Variants in ASB13 observed in about 807,000 individuals in gnomAD.
ASB13 encodes the protein ankyrin repeat and SOCS box containing 13.
A neutral mutation model predicts 28.8 loss-of-function variants in ASB13; 33 were observed. The observed-to-expected ratio is 1.15, with a 90% CI of 0.87 to 1.53. The LOEUF (loss-of-function observed/expected upper bound fraction) is 1.53, where lower values mean the gene tolerates loss of function less well. ASB13 is among the 40% of genes most tolerant of loss of function. The probability of loss-of-function intolerance (pLI) is 0.00; values close to 1 mark genes in which losing one functional copy is unlikely to be tolerated. For synonymous variants in ASB13, 182 were observed against 172.9 expected (o/e 1.05, Z -0.41); for missense variants, 414 against 390.1 (o/e 1.06, Z -0.52).
chr10:5,640,950 G>T, intron 5 of ASB13, 120 bp from the exon 6 acceptor site: 1 of 1,315,622 alleles, frequency 7.6e-7, no homozygotes, highest in Non-Finnish European at 1.0e-6. Context: ...ACCGGGATGT[G>T]TCCTGTAGGC....
In ASB13 at chr10:5,640,175, A is replaced by T. The variant is rs1834783095; in HGVS notation, c.*528T>A. Reference sequence around the variant, plus strand: ...AAAGCATCCACACAGCAGCCAGCAGAGCAGCAGTCCCAGGCCACATCCCAG... The same window carrying T: ...AAAGCATCCACACAGCAGCCAGCAGTGCAGCAGTCCCAGGCCACATCCCAG... On this transcript the variant is annotated 3_prime_UTR_variant, in exon 6 of 6. Transcript: ENST00000357700. The T allele has an allele frequency of 6.5e-6, 1 of 154,272 alleles. No individual in the cohort carries two copies. Among genetic ancestry groups the T allele is most frequent in the Non-Finnish European group, 1.4e-5 (1 of 69,196 alleles). The allele number at this position is 154,272 out of a possible 1,614,324, so 9.6% of individuals were successfully genotyped here. A position where few individuals can be genotyped will look rare whatever the true frequency, so the allele number is the denominator to read the frequency against.
Position 5,662,786 on chromosome 10 carries a change from A to C in ASB13, c.43+3723T>G, listed in dbSNP as rs538974243. On this transcript the variant is annotated intron_variant, in intron 1 of 5. Coordinates refer to ENST00000357700, the MANE Select transcript of ASB13 (RefSeq NM_024701.4). Reference sequence around the variant, plus strand: ...AGACAAAGAGACCACAGAGGAAAAGATAAATGAAGGATCTCATGGTGACAA... The same window carrying C: ...AGACAAAGAGACCACAGAGGAAAAGCTAAATGAAGGATCTCATGGTGACAA... Among the ~76,000 whole-genome samples, 19 of 152,314 alleles carry C rather than the reference A, an allele frequency of 1.2e-4. 1 individual carries two copies. The South Asian group carries it at 3.9e-3, about 32-fold the overall frequency.
chr10:5,640,894 G>A (rs554265962), intron 5 of ASB13, 64 bp from the exon 6 acceptor site: 11 of 1,579,634 alleles, frequency 7.0e-6, no homozygotes, highest in Admixed American at 3.4e-5. Flanking sequence ...ACCTGCAATG[G>A]AACACAAACT....
At position 5,645,257 on chromosome 10, in the gene ASB13, T is replaced by TA. The variant is rs1834865338; in HGVS notation, c.518-3297dup. Among the ~76,000 whole-genome samples the TA allele has an allele frequency of 6.6e-6, 1 of 151,766 alleles. No homozygotes were observed. The highest frequency in any genetic ancestry group is 2.4e-5 in the African/African-American group (1 of 41,328). On this transcript the variant is annotated intron_variant, in intron 4 of 5. Transcript: ENST00000357700. The surrounding 1 kb of genome is among the most constrained non-coding windows in gnomAD (Gnocchi z 5.4). ...AGAAATTGAAAAAAAAAATTAAATTTAAAAAATTATAATTAAAAAATTTTT... is the reference window on the plus strand; with the variant it reads ...AGAAATTGAAAAAAAAAATTAAATTTAAAAAAATTATAATTAAAAAATTTTT...
chr10:5,666,540 C>A lies in ASB13; in HGVS notation c.12G>T (p.Arg4=). 8.0e-7 allele frequency: 1 copy of A among 1,242,714 alleles called. No homozygotes were observed. Among genetic ancestry groups the A allele is most frequent in the South Asian group, 2.7e-5 (1 of 36,792 alleles). 77.0% of individuals were successfully genotyped at this position (1,242,714 alleles called of 1,614,324 possible). A position where few individuals can be genotyped will look rare whatever the true frequency, so the allele number is the denominator to read the frequency against. Reference sequence around the variant, plus strand: ...CGCCCAGGAAGCAGCCGTCCGCCGCCCGGGGCTCCATGCGGCTCACCGGCG... The same window carrying A: ...CGCCCAGGAAGCAGCCGTCCGCCGCACGGGGCTCCATGCGGCTCACCGGCG... MEP[R]AADGCFLGDV... The change falls in exon 1 of 6, where the codon CGG becomes CGT. Residue 4 remains arginine, a synonymous_variant. Coordinates refer to ENST00000357700, the MANE Select transcript of ASB13 (RefSeq NM_024701.4).
At position 5,641,068 on chromosome 10, in the gene ASB13, G is replaced by T. The variant is rs1300309463; in HGVS notation, c.710-238C>A. Reference sequence around the variant, plus strand: ...TTTGTGGGCTTTGGGAGTTTGTTTGGTTTTGAGGTTTTTTGTTTTTTGTTT... The same window carrying T: ...TTTGTGGGCTTTGGGAGTTTGTTTGTTTTTGAGGTTTTTTGTTTTTTGTTT... On this transcript the variant is annotated intron_variant, in intron 5 of 5. Coordinates refer to ENST00000357700, the MANE Select transcript of ASB13 (RefSeq NM_024701.4). This position sits in a 1 kb window ranked among gnomAD's most constrained non-coding sequence, Gnocchi z 8.4. Among the ~76,000 whole-genome samples, 2 of 151,874 alleles carry T rather than the reference G, an allele frequency of 1.3e-5. No homozygotes were observed. Among genetic ancestry groups the T allele is most frequent in the African/African-American group, 4.8e-5 (2 of 41,352 alleles).
rs118149182 is a variant in ASB13 at position 5,649,521 on chromosome 10, C to T, written c.383-417G>A. Among the ~76,000 whole-genome samples, 1,973 of 151,452 alleles carry T rather than the reference C, an allele frequency of 0.013. 30 individuals carry two copies. Among genetic ancestry groups the T allele is most frequent in the South Asian group, 0.072 (342 of 4,754 alleles). On this transcript the variant is annotated intron_variant, in intron 3 of 5. Coordinates refer to ENST00000357700, the MANE Select transcript of ASB13 (RefSeq NM_024701.4). The surrounding 1 kb of genome is among the most constrained non-coding windows in gnomAD (Gnocchi z 6.4). Reference sequence around the variant, plus strand: ...TCCTCCTGTGCACCACGGCAGCCGCCTCTCCTGCCTCTTTTTTTTTTTTAG... The same window carrying T: ...TCCTCCTGTGCACCACGGCAGCCGCTTCTCCTGCCTCTTTTTTTTTTTTAG...
chr10:5,650,492 C>T lies in ASB13; in HGVS notation c.382+721G>A, dbSNP rs1391198159. Among the ~76,000 whole-genome samples, 1 of 152,224 alleles carries T rather than the reference C, an allele frequency of 6.6e-6. No homozygotes were observed. Among genetic ancestry groups the T allele is most frequent in the Non-Finnish European group, 1.5e-5 (1 of 68,038 alleles). Reference sequence around the variant, plus strand: ...GGAAGGGCACATACCCCATACCCTGCACCCCAGATGTGCATCCAAAGACAA... The same window carrying T: ...GGAAGGGCACATACCCCATACCCTGTACCCCAGATGTGCATCCAAAGACAA... On this transcript the variant is annotated intron_variant, in intron 3 of 5. Transcript: ENST00000357700. This position sits in a 1 kb window ranked among gnomAD's most constrained non-coding sequence, Gnocchi z 6.0.
rs1206887798 is a variant in ASB13, at chr10:5,666,271, G to A, written c.43+238C>T. 3.9e-5 allele frequency among the ~76,000 whole-genome samples: 6 copies of A among 152,224 alleles called. No homozygotes were observed. In the East Asian group the frequency reaches 1.2e-3, roughly 30 times the overall value. ...AAACCCCACACCTGGCGAGCCGCAC[G>A]GACTGCAACCCCGCAGTGCGCTGGC... On this transcript the variant is annotated intron_variant, in intron 1 of 5. Transcript: ENST00000357700.
Position 5,645,400 on chromosome 10 carries a change from T to C in ASB13, c.518-3439A>G, listed in dbSNP as rs1231233376. ...CCGCTTCCGAACACTCCTGGCAGAG[T>C]TCAACATTCACTGTCAGTGATCAGA... On this transcript the variant is annotated intron_variant, in intron 4 of 5. Coordinates refer to ENST00000357700, the MANE Select transcript of ASB13 (RefSeq NM_024701.4). The surrounding 1 kb of genome is among the most constrained non-coding windows in gnomAD (Gnocchi z 5.4). Among the ~76,000 whole-genome samples the C allele has an allele frequency of 6.6e-6, 1 of 151,780 alleles. No individual in the cohort carries two copies. Among genetic ancestry groups the C allele is most frequent in the Non-Finnish European group, 1.5e-5 (1 of 67,964 alleles).
rs1255123927 is a variant in ASB13, at chr10:5,652,977, G to A, written c.117C>T (p.Ile39=). The change falls in exon 2 of 6, where the codon ATC becomes ATT. Residue 39 remains isoleucine (I), a synonymous_variant. Coordinates refer to ENST00000357700, the MANE Select transcript of ASB13 (RefSeq NM_024701.4). This position sits in a 1 kb window ranked among gnomAD's most constrained non-coding sequence, Gnocchi z 5.0. ...RGESLQLQQL[I]ESGACVNQVT... is the part of the protein sequence containing the mutation. ...CCTGGTTCACGCAGGCGCCGCTCTC[G>A]ATCAGCTGTTGCAGCTGCAGGCTCT... The A allele has an allele frequency of 6.4e-6, 10 of 1,559,752 alleles. No individual in the cohort carries two copies. The highest frequency in any genetic ancestry group is 4.7e-5 in the South Asian group (4 of 84,582).
rs1045679262 is a variant in ASB13, at chr10:5,661,143, C to A, written c.43+5366G>T. Among the ~76,000 whole-genome samples, 1 of 152,204 alleles carries A rather than the reference C, an allele frequency of 6.6e-6. No individual in the cohort carries two copies. The highest frequency in any genetic ancestry group is 2.4e-5 in the African/African-American group (1 of 41,460). ...CAAGTGGCAGCTCTGTGCCCAGGCCCGGCCACCCCCTAGAGAGCCTGTGTC... is the reference window on the plus strand; with the variant it reads ...CAAGTGGCAGCTCTGTGCCCAGGCCAGGCCACCCCCTAGAGAGCCTGTGTC... On this transcript the variant is annotated intron_variant, in intron 1 of 5. Coordinates refer to ENST00000357700, the MANE Select transcript of ASB13 (RefSeq NM_024701.4). This position sits in a 1 kb window ranked among gnomAD's most constrained non-coding sequence, Gnocchi z 4.9.
intron 1 of ASB13, 69 bp downstream of exon 1, chr10:5,666,440 C>T (rs1418363232): frequency 8.1e-7 from 1 of 1,227,900 alleles, no homozygotes; most frequent in Non-Finnish European, 1.0e-6. Context: ...CGCAGGCCAT[C>T]GGATACGCGG....
rs1834810238 is a variant in ASB13, at chr10:5,641,772, T to C, written c.707A>G (p.Glu236Gly). 2 of 1,583,164 alleles carry C rather than the reference T, an allele frequency of 1.3e-6. No individual in the cohort carries two copies. The highest frequency in any genetic ancestry group is 1.7e-6 in the Non-Finnish European group (2 of 1,162,600). ...GTGCGCTCGGTGGGGTGTCTCACTT[T>C]CGTAGTACTCGAAGCACTTGGCGGG... ...SAPAKCFEYYEKTPLTLSQLC... is the reference protein window; with the variant it reads ...SAPAKCFEYYGKTPLTLSQLC... The change falls in exon 5 of 6, where the codon GAA becomes GGA. Residue 236 changes from glutamate (E) to glycine (G), a missense_variant and splice_region_variant. Physicochemically the swap from Glu to Gly is moderately conservative, Grantham distance 98. Coordinates refer to ENST00000357700, the MANE Select transcript of ASB13 (RefSeq NM_024701.4). The surrounding 1 kb of genome is among the most constrained non-coding windows in gnomAD (Gnocchi z 8.4).
chr10:5,654,430 G>C (rs1405746928), intron 1 of ASB13, among the ~76,000 whole-genome samples: 1 of 152,206 alleles, frequency 6.6e-6, no homozygotes, highest in Non-Finnish European at 1.5e-5. Context: ...TGGAGGACGA[G>C]TCAAGGACCA....
Position 5,640,733 on chromosome 10 carries a change from G to A in ASB13, c.807C>T (p.Pro269=), listed in dbSNP as rs757929289. 3.1e-6 allele frequency: 5 copies of A among 1,614,050 alleles called. No individual in the cohort carries two copies. The highest frequency in any genetic ancestry group is 1.3e-5 in the African/African-American group (1 of 74,914). Residue 269 remains proline, a synonymous_variant, in exon 6 of 6, where the codon CCC becomes CCT. Transcript: ENST00000357700. ...TGTAGGAGAGGTAATCAATGAGCCG[G>A]GGCGGGATGTTTAACTTGGCAATCT... The part of the protein sequence containing the change: ...LEKIAKLNIP[P]RLIDYLSYN
At position 5,656,674 on chromosome 10, in the gene ASB13, T is replaced by C. The variant is rs759685987; in HGVS notation, c.44-3624A>G. On this transcript the variant is annotated intron_variant, in intron 1 of 5. Transcript: ENST00000357700. This position sits in a 1 kb window ranked among gnomAD's most constrained non-coding sequence, Gnocchi z 4.3. The stretch of plus-strand genomic sequence containing the variant: ...AGATAATATGCAAAAAGAGCAAACG[T>C]GTAGCTTTGAAATTAACTCTGGGAT... Among the ~76,000 whole-genome samples the C allele has an allele frequency of 2.0e-5, 3 of 152,204 alleles. No homozygotes were observed. The highest frequency in any genetic ancestry group is 2.9e-5 in the Non-Finnish European group (2 of 68,046).
At chr10:5,662,560 GGAGGGGAGAAGAGAAGAGAA>G (rs1835187344) in intron 1 of ASB13, among the ~76,000 whole-genome samples, 1 of 31,452 alleles carries the variant, frequency 3.2e-5, no homozygotes, top group African/African-American at 1.2e-4. Context: ...GGAGGGGAGG[GGAGGGGAGAAGAGAAGAGAA>G]GAGAAGAGAA....
chr10:5,658,843 G>C lies in ASB13; in HGVS notation c.44-5793C>G, dbSNP rs1466083447. Among the ~76,000 whole-genome samples, 1 of 152,192 alleles carries C rather than the reference G, an allele frequency of 6.6e-6. No individual in the cohort carries two copies. The highest frequency in any genetic ancestry group is 6.5e-5 in the Admixed American group (1 of 15,278). On this transcript the variant is annotated intron_variant, in intron 1 of 5. Coordinates refer to ENST00000357700, the MANE Select transcript of ASB13 (RefSeq NM_024701.4). The surrounding 1 kb of genome is among the most constrained non-coding windows in gnomAD (Gnocchi z 4.2). ...ATTTACAGTGGGGAAGGGAGGGATA[G>C]AAGGCTAGAGGACAGCAGGTGCCTG...
Sources: gnomAD v4.1 joint callset for allele counts (sites outside exome capture counted in the v4.1 genomes callset) on GRCh38, gnomAD v4.1.1 for gene constraint, Gnocchi (gnomAD v3.1) non-coding constraint, MANE v1.5 for transcripts, NCBI Gene and HGNC (gene_info 2026-07-23, HGNC 2026-07-21) for gene names.